CFAP54: variants seen among roughly 807,000 people sequenced by gnomAD.
CFAP54 encodes the protein cilia and flagella associated protein 54.
Under a neutral mutation model 370.4 loss-of-function variants are expected in CFAP54, and 290 were observed. The ratio of observed to expected loss-of-function variants is 0.78; its 90% confidence interval spans 0.71 to 0.86. The LOEUF (loss-of-function observed/expected upper bound fraction) is 0.86, where lower values mean the gene tolerates loss of function less well. CFAP54 is among the 40% of genes least tolerant of loss of function. The pLI, the probability that CFAP54 is intolerant of heterozygous loss-of-function variation, is 0.00. For missense variants in CFAP54, 3,399 were observed against 3,528.7 expected, an observed-to-expected ratio of 0.96 and a Z score of 0.93; for synonymous variants, 1,206 against 1,236.5, an observed-to-expected ratio of 0.98 and a Z score of 0.52.
chr12:96,743,765 T>C lies in CFAP54; in HGVS notation c.7412T>C (p.Ile2471Thr), dbSNP rs1958079409. ...IIHLLEGNEF[I>T]SPQSRLTLAR... ...CATTTGCTGGAAGGAAATGAATTTATTTCTCCTCAATCACGGCTAACCCTG... is the reference window on the plus strand; with the variant it reads ...CATTTGCTGGAAGGAAATGAATTTACTTCTCCTCAATCACGGCTAACCCTG... The change falls in exon 54 of 68, where the codon ATT (isoleucine) becomes ACT (threonine). Residue 2471 changes from isoleucine to threonine, a missense_variant. Transcript: ENST00000524981. 6.2e-7 allele frequency: 1 copy of C among 1,610,752 alleles called. No individual in the cohort carries two copies. The highest frequency in any genetic ancestry group is 1.7e-5 in the Admixed American group (1 of 59,118).
chr12:96,825,276 TTATATTATATATAATATAA>T (rs1337496187), intron 65 of CFAP54, among the ~76,000 whole-genome samples: 4 of 129,572 alleles, frequency 3.1e-5, no homozygotes, highest in East Asian at 2.1e-4. Flanking sequence ...ATATAACATG[TTATATTATATATAATATAA>T]TATATTATAT....
rs951114973 is a variant in CFAP54, at chr12:96,849,078, T to C, written c.9172-11741T>C. On this transcript the variant is annotated intron_variant, in intron 66 of 67. Coordinates refer to ENST00000524981, the MANE Select transcript of CFAP54 (RefSeq NM_001306084.2). ...TTGATTCTTAAGTAAGCTCGTGTCA[T>C]ATTATCCTTTCTACTTTAGAATGCA... 5.3e-5 allele frequency among the ~76,000 whole-genome samples: 8 copies of C among 152,238 alleles called. No individual in the cohort carries two copies. In the East Asian group the frequency reaches 1.3e-3, roughly 26 times the overall value.
chr12:96,559,284 G>C (rs1191962082), intron 17 of CFAP54, among the ~76,000 whole-genome samples: 1 of 152,046 alleles, frequency 6.6e-6, no homozygotes, highest in Non-Finnish European at 1.5e-5. Context: ...TAATACAAAG[G>C]ATAAATGCTT....
At position 96,734,347 on chromosome 12, in the gene CFAP54, A is replaced by G. The variant is rs1434633325; in HGVS notation, c.6966-5609A>G. ...CACTCCTATTTGCTAAGCACACTCC[A>G]TGCTTTCTAGAATGTCAGTTCCACG... is the stretch of plus-strand genomic sequence containing the variant. On this transcript the variant is annotated intron_variant, in intron 50 of 67. Coordinates refer to ENST00000524981, the MANE Select transcript of CFAP54 (RefSeq NM_001306084.2). 2.0e-5 allele frequency among the ~76,000 whole-genome samples: 3 copies of G among 152,072 alleles called. No individual in the cohort carries two copies. The South Asian group carries it at 6.2e-4, about 32-fold the overall frequency.
intron 66 of CFAP54, among the ~76,000 whole-genome samples, chr12:96,848,096 A>C (rs577864445): frequency 3.6e-4 from 54 of 152,086 alleles, no homozygotes; most frequent in Admixed American, 7.8e-4. Flanking sequence ...TTTGTTTTTG[A>C]GACGGTGTCT....
chr12:96,766,255 T>G (rs1958400908), intron 60 of CFAP54, among the ~76,000 whole-genome samples: 1 of 152,184 alleles, frequency 6.6e-6, no homozygotes, highest in Non-Finnish European at 1.5e-5. Flanking sequence ...TTTATAGATT[T>G]TTTTTTACGC....
intron 63 of CFAP54, among the ~76,000 whole-genome samples, chr12:96,799,656 C>G (rs994552734): frequency 1.2e-4 from 19 of 152,318 alleles, no homozygotes; most frequent in African/African-American, 4.6e-4. Flanking sequence ...TCTCCAGATA[C>G]CTTTCATGCT....
intron 32 of CFAP54, among the ~76,000 whole-genome samples, chr12:96,633,187 C>A (rs1956627234): frequency 6.6e-6 from 1 of 152,110 alleles, no homozygotes; most frequent in Non-Finnish European, 1.5e-5. Flanking sequence ...CCTCTTCTTT[C>A]CTTTTCGTGT....
chr12:96,648,084 C>T (rs989029046), intron 34 of CFAP54, 67 bp downstream of exon 34: 34 of 1,203,728 alleles, frequency 2.8e-5, no homozygotes, highest in Admixed American at 7.3e-5. Context: ...CAACACAGCA[C>T]ACATACACAT....
chr12:96,700,022 T>G lies in CFAP54; in HGVS notation c.6403T>G (p.Ser2135Ala), dbSNP rs1487766863. The G allele has an allele frequency of 6.2e-7, 1 of 1,604,466 alleles. No homozygotes were observed. Among genetic ancestry groups the G allele is most frequent in the Middle Eastern group, 1.7e-4 (1 of 6,040 alleles). The change falls in exon 46 of 68, where the codon TCC (serine) becomes GCC (alanine). Residue 2135 changes from serine to alanine, a missense_variant. Physicochemically the swap from Ser to Ala is moderately conservative, Grantham distance 99. Transcript: ENST00000524981. ...CTTTTCTGAAGCCTTTTATGAGATA[T>G]CCCAAATTTTCTATGGAAAAAACAT... The part of the protein sequence containing the change: ...RFFSEAFYEI[S>A]QIFYGKNMPC...
intron 4 of CFAP54, among the ~76,000 whole-genome samples, chr12:96,509,206 T>C (rs1489069273): frequency 2.0e-5 from 3 of 152,006 alleles, no homozygotes; most frequent in Non-Finnish European, 4.4e-5. Context: ...CAGAAGGGGA[T>C]AGAGAGAGGA....
chr12:96,820,040 T>G (rs1959014701), intron 65 of CFAP54, among the ~76,000 whole-genome samples: 1 of 152,142 alleles, frequency 6.6e-6, no homozygotes, highest in Non-Finnish European at 1.5e-5. Context: ...CTACTTGCCA[T>G]GGTGTGGGAA....
intron 4 of CFAP54, among the ~76,000 whole-genome samples, chr12:96,511,475 C>T (rs372906773): frequency 3.9e-5 from 6 of 152,112 alleles, no homozygotes; most frequent in Non-Finnish European, 7.4e-5. Context: ...CATACCATCA[C>T]GCCCAGCTAC....
At chr12:96,500,690 A>T in intron 1 of CFAP54, 144 bp from the exon 2 acceptor site, 1 of 510,864 alleles carries the variant, frequency 2.0e-6, no homozygotes, top group Non-Finnish European at 3.4e-6. Flanking sequence ...AACTGTAATT[A>T]CATTTATTAT....
intron 39 of CFAP54, among the ~76,000 whole-genome samples, chr12:96,668,732 A>G (rs898066914): frequency 6.6e-6 from 1 of 152,234 alleles, no homozygotes; most frequent in African/African-American, 2.4e-5. Flanking sequence ...GAAAATGGAA[A>G]TAATACTTTC....
intron 62 of CFAP54, among the ~76,000 whole-genome samples, chr12:96,792,077 C>G (rs563354961): frequency 3.3e-5 from 5 of 152,070 alleles, no homozygotes; most frequent in Non-Finnish European, 5.9e-5. Flanking sequence ...GTCTCGAACT[C>G]CTGACCGTGT....
chr12:96,574,567 T>C (rs1302667869), intron 19 of CFAP54, among the ~76,000 whole-genome samples: 1 of 151,394 alleles, frequency 6.6e-6, no homozygotes, highest in Admixed American at 6.6e-5. Flanking sequence ...CTTAAAAAAA[T>C]CTGTAATGAA....
At chr12:96,833,057 C>T (rs1209306677) in intron 66 of CFAP54, among the ~76,000 whole-genome samples, 2 of 152,176 alleles carry the variant, frequency 1.3e-5, no homozygotes. Flanking sequence ...TAAATATTGA[C>T]ATGCACAGCT....
chr12:96,606,042 A>G (rs1322230016), intron 26 of CFAP54, among the ~76,000 whole-genome samples: 1 of 81,284 alleles, frequency 1.2e-5, no homozygotes. Flanking sequence ...AGAGCTTGTG[A>G]TTTAGTGGGG....
Sources: allele counts gnomAD v4.1 joint callset (sites outside exome capture counted in the v4.1 genomes callset), GRCh38; gene constraint gnomAD v4.1.1; transcripts MANE v1.5; gene names NCBI Gene and HGNC (gene_info 2026-07-23, HGNC 2026-07-21).